TNRC6A: variants seen among roughly 807,000 people sequenced by gnomAD.
TNRC6A encodes trinucleotide repeat-containing gene 6A protein.
In TNRC6A, 44 loss-of-function variants were observed where a neutral mutation model predicts 221.2. The ratio of observed to expected loss-of-function variants is 0.20; its 90% CI spans 0.16 to 0.26. The LOEUF is 0.26. TNRC6A is among the 10% of genes least tolerant of loss of function. The pLI is 1.00. For synonymous variants in TNRC6A, 847 were observed against 838.5 expected, an observed-to-expected ratio of 1.01 and a Z score of -0.18; for missense variants, 2,199 against 2,404.4, an observed-to-expected ratio of 0.91 and a Z score of 1.79.
rs771019356 is a variant in TNRC6A, at chr16:24,777,344, G to A, written c.575G>A (p.Ser192Asn). ...QPQNNGEVQN[S>N]KNQSDINHST... Reference sequence around the variant, plus strand: ...CAAAATAACGGAGAGGTGCAGAACAGCAAAAACCAGTCAGGTGAGAGAAGG... The same window carrying A: ...CAAAATAACGGAGAGGTGCAGAACAACAAAAACCAGTCAGGTGAGAGAAGG... Residue 192 changes from serine (S) to asparagine (N), a missense_variant, in exon 5 of 25, where the codon AGC becomes AAC. By Grantham distance (46) the Ser-to-Asn change is conservative (BLOSUM62 1). Coordinates refer to ENST00000395799, the MANE Select transcript of TNRC6A (RefSeq NM_014494.4). 4.4e-6 allele frequency: 7 copies of A among 1,608,970 alleles called. No homozygotes were observed. Among genetic ancestry groups the A allele is most frequent in the Non-Finnish European group, 5.9e-6 (7 of 1,178,674 alleles).
chr16:24,672,673 G>A (rs2055330622), intron 2 of TNRC6A, among the ~76,000 whole-genome samples: 3 of 151,526 alleles, frequency 2.0e-5, no homozygotes, highest in African/African-American at 7.3e-5. Flanking sequence ...CCAACTCCTG[G>A]GCTCAAGTGA....
At chr16:24,674,046 A>G (rs1156541436) in intron 2 of TNRC6A, among the ~76,000 whole-genome samples, 3 of 152,006 alleles carry the variant, frequency 2.0e-5, no homozygotes, top group Non-Finnish European at 2.9e-5. Context: ...GGAGCTGGGA[A>G]CCATTGTCTC....
intron 2 of TNRC6A, among the ~76,000 whole-genome samples, chr16:24,674,091 G>A (rs1281803469): frequency 6.6e-6 from 1 of 151,966 alleles, no homozygotes; most frequent in Admixed American, 6.6e-5. Flanking sequence ...CTTTTTTTGA[G>A]ACAGGGTTTG....
intron 2 of TNRC6A, among the ~76,000 whole-genome samples, chr16:24,701,051 C>T (rs112839201): frequency 0.028 from 4,228 of 152,278 alleles, 205 homozygotes; most frequent in African/African-American, 0.096. Flanking sequence ...AGCCCTAGCC[C>T]GGGAAGAACA....
intron 2 of TNRC6A, among the ~76,000 whole-genome samples, chr16:24,735,754 A>T (rs1453396877): frequency 6.6e-6 from 1 of 152,242 alleles, no homozygotes; most frequent in Non-Finnish European, 1.5e-5. Context: ...TGACAACTGC[A>T]AAAGTATTGC....
chr16:24,718,969 G>A (rs36006789), intron 2 of TNRC6A, among the ~76,000 whole-genome samples: 15,005 of 150,572 alleles, frequency 0.1, 1,745 homozygotes, highest in East Asian at 0.35. Context: ...CCCAGGAGGC[G>A]GAGGTTGCAG....
chr16:24,727,898 C>T (rs1160034059), upstream of TNRC6A, among the ~76,000 whole-genome samples: 2 of 150,508 alleles, frequency 1.3e-5, no homozygotes, highest in Non-Finnish European at 2.9e-5. Flanking sequence ...ATTCGGTGCC[C>T]ACTACATTTT....
chr16:24,656,623 A>C (rs2054919365), intron 2 of TNRC6A, among the ~76,000 whole-genome samples: 1 of 152,182 alleles, frequency 6.6e-6, no homozygotes, highest in African/African-American at 2.4e-5. Flanking sequence ...TCTGTTAAAA[A>C]CAAACTATAA....
At position 24,793,553 on chromosome 16, in the gene TNRC6A, G is replaced by A. The variant is rs546749159; in HGVS notation, c.3256G>A (p.Asp1086Asn). Reference sequence around the variant, plus strand: ...TACTTCAGCATGGGGTAAGCCCATAGACAGTGGTCCCAGCTGGGGGGAACC... The same window carrying A: ...TACTTCAGCATGGGGTAAGCCCATAAACAGTGGTCCCAGCTGGGGGGAACC... ...NGTSAWGKPIDSGPSWGEPIA... is the reference protein window; with the variant it reads ...NGTSAWGKPINSGPSWGEPIA... Residue 1086 changes from aspartate to asparagine, a missense_variant, in exon 7 of 25, where the codon GAC becomes AAC. By Grantham distance (23) the Asp-to-Asn change is conservative (BLOSUM62 1). Around this residue, in one of 8 missense-constraint regions of TNRC6A, gnomAD observed 1,405 missense variants for 1,400.2 expected, o/e 1.00. Transcript: ENST00000395799. 6.4e-7 allele frequency: 1 copy of A among 1,574,102 alleles called. No homozygotes were observed. Among genetic ancestry groups the A allele is most frequent in the East Asian group, 2.3e-5 (1 of 42,814 alleles).
In TNRC6A at chr16:24,729,681, G is replaced by T. The variant is rs1429326773; in HGVS notation, c.-161G>T. ...CGGTCTGGGGCCTGCGGCGGCGGCG[G>T]TGTCGGCGGCGGCGGCGGCGGCGGC... On this transcript the variant is annotated 5_prime_UTR_variant, in exon 1 of 25. Coordinates refer to ENST00000395799, the MANE Select transcript of TNRC6A (RefSeq NM_014494.4). 3.9e-6 allele frequency: 3 copies of T among 768,332 alleles called. No homozygotes were observed. Among genetic ancestry groups the T allele is most frequent in the Non-Finnish European group, 5.2e-6 (3 of 574,446 alleles). 47.6% of individuals were successfully genotyped at this position (768,332 alleles called of 1,614,324 possible).
intron 1 of TNRC6A, among the ~76,000 whole-genome samples, chr16:24,632,960 G>C (rs1164919068): frequency 6.8e-6 from 1 of 147,998 alleles, no homozygotes; most frequent in Non-Finnish European, 1.5e-5. Context: ...AGTGAGTCGA[G>C]ATTGCGCCAT....
intron 1 of TNRC6A, among the ~76,000 whole-genome samples, chr16:24,624,290 C>G (rs1227746068): frequency 2.6e-5 from 4 of 152,170 alleles, no homozygotes; most frequent in Non-Finnish European, 5.9e-5. Flanking sequence ...TGGGTCACAG[C>G]AGGACACGTG....
At chr16:24,779,200 G>A (rs2057788318) in intron 5 of TNRC6A, among the ~76,000 whole-genome samples, 1 of 152,136 alleles carries the variant, frequency 6.6e-6, no homozygotes, top group Non-Finnish European at 1.5e-5. Flanking sequence ...AAGGAAAAAC[G>A]TCATGCCTAT....
At chr16:24,617,896 A>T (rs1230433162) in intron 1 of TNRC6A, among the ~76,000 whole-genome samples, 1 of 151,760 alleles carries the variant, frequency 6.6e-6, no homozygotes, top group Admixed American at 6.6e-5. Context: ...TAATTTTTTT[A>T]TTTTATTTTA....
chr16:24,774,771 A>G (rs2151698356), intron 4 of TNRC6A, among the ~76,000 whole-genome samples: 1 of 152,290 alleles, frequency 6.6e-6, no homozygotes, highest in South Asian at 2.1e-4. Flanking sequence ...TCTGTGATGC[A>G]TTGGTTCCGG....
intron 2 of TNRC6A, among the ~76,000 whole-genome samples, chr16:24,655,864 G>C: frequency 6.6e-6 from 1 of 152,046 alleles, no homozygotes; most frequent in South Asian, 2.1e-4. Context: ...TATAGGCCTG[G>C]TGCCCTGGCT....
chr16:24,779,651 A>T (rs766911641), intron 5 of TNRC6A, among the ~76,000 whole-genome samples: 1 of 152,176 alleles, frequency 6.6e-6, no homozygotes, highest in Admixed American at 6.5e-5. Flanking sequence ...AGATAGTATC[A>T]TGTTCATTTT....
At chr16:24,805,219 A>C (rs2058406266) in intron 14 of TNRC6A, 68 bp downstream of exon 14, 1 of 1,581,574 alleles carries the variant, frequency 6.3e-7, no homozygotes, top group African/African-American at 1.3e-5. Flanking sequence ...TTGTATTTGA[A>C]TAAAATGGCT....
intron 3 of TNRC6A, among the ~76,000 whole-genome samples, chr16:24,751,182 T>C (rs527600222): frequency 6.6e-6 from 1 of 152,318 alleles, no homozygotes; most frequent in African/African-American, 2.4e-5. Context: ...TGGTGTGACT[T>C]TAGATTTTAT....
Sources: allele counts gnomAD v4.1 joint callset (sites outside exome capture counted in the v4.1 genomes callset), GRCh38; gene constraint gnomAD v4.1.1; regional missense constraint gnomAD v4.1.1; transcripts MANE v1.5; gene names NCBI Gene and HGNC (gene_info 2026-07-23, HGNC 2026-07-21).